Variants in SNTG1 observed in about 807,000 individuals in gnomAD.
The protein encoded by SNTG1 is syntrophin gamma 1.
SNTG1 carries 39 observed loss-of-function variants against 74.7 expected under a neutral mutation model. The observed-to-expected ratio is 0.52, with a 90% confidence interval of 0.40 to 0.68. SNTG1 has a LOEUF of 0.68. Among genes scored for constraint, SNTG1 ranks in the 30% least tolerant of loss-of-function variants. The pLI, the probability that SNTG1 is intolerant of heterozygous loss-of-function variation, is 0.00. For synonymous variants in SNTG1, 254 were observed against 217.1 expected, an observed-to-expected ratio of 1.17 and a Z score of -1.49; for missense variants, 685 against 609.5, an observed-to-expected ratio of 1.12 and a Z score of -1.30.
intron 1 of SNTG1, among the ~76,000 whole-genome samples, chr8:50,042,144 A>G (rs1167538179): frequency 2.0e-5 from 3 of 152,206 alleles, no homozygotes; most frequent in African/African-American, 4.8e-5. Context: ...CAGCCTTTAT[A>G]CATGAGACAA....
At chr8:50,705,922 C>T (rs1040981964) in intron 16 of SNTG1, among the ~76,000 whole-genome samples, 1 of 152,174 alleles carries the variant, frequency 6.6e-6, no homozygotes, top group Admixed American at 6.5e-5. Context: ...GAGCAAGGAC[C>T]TAAATACACA....
chr8:50,141,112 A>T (rs914911085), intron 1 of SNTG1, among the ~76,000 whole-genome samples: 4 of 152,220 alleles, frequency 2.6e-5, no homozygotes, highest in African/African-American at 9.6e-5. Context: ...TGGAGTCTCC[A>T]GGTTTCGCTG....
At chr8:50,110,162 A>G (rs1052578287) in intron 1 of SNTG1, among the ~76,000 whole-genome samples, 1 of 152,090 alleles carries the variant, frequency 6.6e-6, no homozygotes, top group African/African-American at 2.4e-5. Context: ...TTCCCTTATC[A>G]TCATGCATCT....
rs115348002 is a variant in SNTG1 at position 50,410,599 on chromosome 8, T to C, written c.162+8255T>C. The stretch of plus-strand genomic sequence containing the variant: ...AACACATCTATCACCTCCCCTGCTA[T>C]ATATTAGACCCTGAGATCTTGTTCA... On this transcript the variant is annotated intron_variant, in intron 4 of 18. Transcript: ENST00000642720. Among the ~76,000 whole-genome samples, 284 of 152,314 alleles carry C rather than the reference T, an allele frequency of 1.9e-3. 1 individual carries two copies. Among genetic ancestry groups the C allele is most frequent in the African/African-American group, 6.4e-3 (268 of 41,560 alleles).
intron 18 of SNTG1, among the ~76,000 whole-genome samples, chr8:50,762,246 C>T (rs2095601045): frequency 6.6e-6 from 1 of 151,962 alleles, no homozygotes; most frequent in African/African-American, 2.4e-5. Flanking sequence ...TGAAGTCTAA[C>T]ATATCTTTAG....
rs892550173 is a variant in SNTG1, at chr8:50,060,001, C to T, written c.-102-112560C>T. ...GTGTTCCAGTTTCTCACCATGTTTG[C>T]CAACACTTGCTATTTTCTGTCTTGA... On this transcript the variant is annotated intron_variant, in intron 1 of 18. Coordinates refer to ENST00000642720, the MANE Select transcript of SNTG1 (RefSeq NM_018967.5). Among the ~76,000 whole-genome samples, 12 of 152,170 alleles carry T rather than the reference C, an allele frequency of 7.9e-5. No homozygotes were observed. In the South Asian group the frequency reaches 1.9e-3, roughly 24 times the overall value.
intron 2 of SNTG1, among the ~76,000 whole-genome samples, chr8:50,380,840 T>TGTTA (rs1003392685): frequency 2.0e-5 from 3 of 152,172 alleles, no homozygotes; most frequent in Non-Finnish European, 4.4e-5. Context: ...AATTTCTGAG[T>TGTTA]GTTAGATTTA....
intron 5 of SNTG1, among the ~76,000 whole-genome samples, chr8:50,443,041 A>G (rs1168690084): frequency 6.6e-6 from 1 of 152,176 alleles, no homozygotes; most frequent in East Asian, 1.9e-4. Flanking sequence ...GCATTTATAT[A>G]AATAACTTTA....
chr8:50,174,317 T>C (rs1361050913), intron 2 of SNTG1, among the ~76,000 whole-genome samples: 1 of 152,236 alleles, frequency 6.6e-6, no homozygotes, highest in African/African-American at 2.4e-5. Context: ...TGTGTCTTTA[T>C]AGCAGAATGA....
At chr8:50,359,951 C>A (rs555876574) in intron 2 of SNTG1, among the ~76,000 whole-genome samples, 1 of 152,070 alleles carries the variant, frequency 6.6e-6, no homozygotes, top group African/African-American at 2.4e-5. Context: ...CATTAGTGCA[C>A]AACTAACTTA....
chr8:50,411,265 G>A (rs2092944915), intron 4 of SNTG1, among the ~76,000 whole-genome samples: 1 of 151,866 alleles, frequency 6.6e-6, no homozygotes, highest in East Asian at 1.9e-4. Flanking sequence ...TGGCTAACAC[G>A]GTGAAACCCC....
At chr8:49,977,274 T>G (rs539235037) in intron 1 of SNTG1, among the ~76,000 whole-genome samples, 3 of 119,680 alleles carry the variant, frequency 2.5e-5, no homozygotes, top group Admixed American at 8.5e-5. Context: ...ATTTAGACTG[T>G]TTTTTTTTCA....
chr8:50,084,472 T>TA (rs530611692), intron 1 of SNTG1, among the ~76,000 whole-genome samples: 3 of 151,558 alleles, frequency 2.0e-5, no homozygotes, highest in East Asian at 1.9e-4. Context: ...AAAAATAAAA[T>TA]AAAAAAAAGT....
At chr8:50,611,774 T>A (rs1467336464) in intron 13 of SNTG1, among the ~76,000 whole-genome samples, 1 of 152,096 alleles carries the variant, frequency 6.6e-6, no homozygotes, top group Non-Finnish European at 1.5e-5. Context: ...TACTTTAATT[T>A]AATTTTTTTT....
At chr8:49,915,847 ATGT>A (rs1348348446) in intron 1 of SNTG1, among the ~76,000 whole-genome samples, 1 of 152,168 alleles carries the variant, frequency 6.6e-6, no homozygotes, top group African/African-American at 2.4e-5. Flanking sequence ...TGCTGTTAAG[ATGT>A]TGTTTTGATT....
chr8:50,311,917 G>T (rs1339251411), intron 2 of SNTG1, among the ~76,000 whole-genome samples: 1 of 152,120 alleles, frequency 6.6e-6, no homozygotes, highest in Non-Finnish European at 1.5e-5. Flanking sequence ...TGATATTTGT[G>T]CATTGTCTGT....
At chr8:50,426,544 G>A (rs1486285347) in intron 4 of SNTG1, among the ~76,000 whole-genome samples, 1 of 151,636 alleles carries the variant, frequency 6.6e-6, no homozygotes, top group Non-Finnish European at 1.5e-5. Flanking sequence ...TGTGTTTTAA[G>A]CTAAGTGTTA....
intron 4 of SNTG1, among the ~76,000 whole-genome samples, chr8:50,419,866 C>A (rs1430442748): frequency 6.6e-6 from 1 of 150,720 alleles, no homozygotes; most frequent in Non-Finnish European, 1.5e-5. Flanking sequence ...TTGAACTAAA[C>A]AATACAATAA....
At chr8:50,208,278 A>G (rs1586696340) in intron 2 of SNTG1, among the ~76,000 whole-genome samples, 1 of 152,212 alleles carries the variant, frequency 6.6e-6, no homozygotes, top group East Asian at 1.9e-4. Context: ...TATTTAGGAT[A>G]GTTAGCTCTT....
Sources: allele counts gnomAD v4.1 joint callset (sites outside exome capture counted in the v4.1 genomes callset), GRCh38; gene constraint gnomAD v4.1.1; transcripts MANE v1.5; gene names NCBI Gene and HGNC (gene_info 2026-07-23, HGNC 2026-07-21).